Variants in XPO1 observed in about 807,000 individuals in gnomAD.
XPO1 encodes exportin-1.
XPO1 carries 5 observed loss-of-function variants against 133.3 expected under a neutral mutation model. The ratio of observed to expected loss-of-function variants is 0.04; its 90% CI spans 0.02 to 0.08. The LOEUF is 0.08. Among genes scored for constraint, XPO1 ranks in the 10% least tolerant of loss-of-function variants. The pLI, the probability that XPO1 is intolerant of heterozygous loss-of-function variation, is 1.00. For missense variants in XPO1, 506 were observed against 1,267.5 expected (o/e 0.40, Z 9.12); for synonymous variants, 419 against 408.2 (o/e 1.03, Z -0.32).
Position 61,489,940 on chromosome 2 carries a change from G to C in XPO1, c.2022+702C>G, listed in dbSNP as rs187185801. On this transcript the variant is annotated intron_variant, in intron 17 of 24. Transcript: ENST00000401558. ...AGAGTCTTCCTCTGTCACCAGGCTG[G>C]AGTGCAGTGGCATGCTCTTGACTCA... 5.7e-3 allele frequency among the ~76,000 whole-genome samples: 865 copies of C among 150,618 alleles called. 5 individuals carry two copies. Among genetic ancestry groups the C allele is most frequent in the Non-Finnish European group, 9.4e-3 (640 of 67,734 alleles).
chr2:61,511,856 C>G (rs1017589379), intron 4 of XPO1, among the ~76,000 whole-genome samples: 1 of 152,086 alleles, frequency 6.6e-6, no homozygotes, highest in African/African-American at 2.4e-5. Flanking sequence ...CCTCCCTGGT[C>G]CAAGCAACTC....
At chr2:61,507,807 G>A (rs1244227467) in intron 4 of XPO1, among the ~76,000 whole-genome samples, 1 of 152,106 alleles carries the variant, frequency 6.6e-6, no homozygotes, top group Non-Finnish European at 1.5e-5. Context: ...AAACCTGGGA[G>A]GTGGAGAAAG....
At chr2:61,494,147 T>G (rs1187667019) in intron 11 of XPO1, 56 bp from the exon 12 acceptor site, 1 of 1,504,536 alleles carries the variant, frequency 6.6e-7, no homozygotes, top group African/African-American at 1.4e-5. Context: ...AACTTCAAAT[T>G]GCTTTTCACT....
chr2:61,482,770 ATTT>A (rs1377235228), intron 22 of XPO1, 184 bp downstream of exon 22: 1 of 785,466 alleles, frequency 1.3e-6, no homozygotes, highest in Non-Finnish European at 1.9e-6. Context: ...CATGCCCAGT[ATTT>A]TTATTGTATC....
At position 61,516,859 on chromosome 2, in the gene XPO1, C is replaced by CTTTT. The variant is rs1491353367; in HGVS notation, c.301+5751_301+5752insAAAA. Among the ~76,000 whole-genome samples, 10 of 152,030 alleles carry CTTTT rather than the reference C, an allele frequency of 6.6e-5. 1 individual carries two copies. In the South Asian group the frequency reaches 2.1e-3, roughly 32 times the overall value. On this transcript the variant is annotated intron_variant, in intron 4 of 24. Transcript: ENST00000401558. ...CCCCAACAGGAACAAAGGAGGCTTC[C>CTTTT]TCTTTTTTTTTATTTGAATTATCTA...
rs1245254210 is a variant in XPO1, at chr2:61,486,029, G to A, written c.2314-67C>T. 2.2e-6 allele frequency: 3 copies of A among 1,385,308 alleles called. No homozygotes were observed. In the African/African-American group the frequency reaches 4.4e-5, roughly 20 times the overall value. 85.8% of individuals were successfully genotyped at this position (1,385,308 alleles called of 1,614,324 possible). A position where few individuals can be genotyped will look rare whatever the true frequency, so the allele number is the denominator to read the frequency against. On this transcript the variant is annotated intron_variant, in intron 19 of 24. Transcript: ENST00000401558. ...CATGGTGACTATTTTAAACAACAAG[G>A]TTATTCCTGTCTATGAGATGTAGCA...
intron 1 of XPO1, among the ~76,000 whole-genome samples, chr2:61,534,911 T>C (rs1188369314): frequency 1.3e-5 from 2 of 152,112 alleles, no homozygotes; most frequent in Non-Finnish European, 2.9e-5. Flanking sequence ...ATTTACTGAA[T>C]ATATGATCTA....
In XPO1 at chr2:61,485,898, G is replaced by T; in HGVS notation, c.2378C>A (p.Pro793Gln). 6.2e-7 allele frequency: 1 copy of T among 1,614,070 alleles called. No homozygotes were observed. Among genetic ancestry groups the T allele is most frequent in the Non-Finnish European group, 8.5e-7 (1 of 1,179,984 alleles). Residue 793 changes from proline (P) to glutamine (Q), a missense_variant, in exon 20 of 25, where the codon CCA (proline) becomes CAA (glutamine). Physicochemically the swap from Pro to Gln is moderately conservative, Grantham distance 76. Coordinates refer to ENST00000401558, the MANE Select transcript of XPO1 (RefSeq NM_003400.4). ...AAGCACTTCTGGTTCTCTAGCAGCT[G>T]GGACATTTCTCTGATAATCAATGAG... ...AVLIDYQRNVPAAREPEVLST... is the reference protein window; with the variant it reads ...AVLIDYQRNVQAAREPEVLST...
At chr2:61,521,057 A>T (rs1271016364) in intron 4 of XPO1, among the ~76,000 whole-genome samples, 1 of 152,228 alleles carries the variant, frequency 6.6e-6, no homozygotes, top group African/African-American at 2.4e-5. Context: ...GATCTAAAAT[A>T]GTTTCAAACC....
At chr2:61,480,716 C>G (rs1050991833) in intron 24 of XPO1, 3 of 151,820 alleles carry the variant, frequency 2.0e-5, no homozygotes, top group African/African-American at 7.3e-5. Context: ...AACTATTCAT[C>G]AACTACTTAG....
rs748475904 is a variant in XPO1, at chr2:61,495,409, A to T, written c.1047+46T>A. 17 of 1,460,162 alleles carry T rather than the reference A, an allele frequency of 1.2e-5. No individual in the cohort carries two copies. The South Asian group carries it at 1.4e-4, about 12-fold the overall frequency. The allele number at this position is 1,460,162 out of a possible 1,614,324, so 90.5% of individuals were successfully genotyped here. A position where few individuals can be genotyped will look rare whatever the true frequency, so the allele number is the denominator to read the frequency against. ...GAAAAAGGCACTTTTAAGAGTTATTAGTAGGCAGAGCAGAATTTTAGGAGC... is the reference window on the plus strand; with the variant it reads ...GAAAAAGGCACTTTTAAGAGTTATTTGTAGGCAGAGCAGAATTTTAGGAGC... On this transcript the variant is annotated intron_variant, in intron 11 of 24. Transcript: ENST00000401558.
chr2:61,509,188 A>G (rs1697968907), intron 4 of XPO1, among the ~76,000 whole-genome samples: 1 of 150,830 alleles, frequency 6.6e-6, no homozygotes, highest in South Asian at 2.1e-4. Context: ...TTTTTTAGGT[A>G]AAGACAAGGT....
intron 3 of XPO1, chr2:61,525,459 T>G: frequency 9.9e-7 from 1 of 1,005,766 alleles, no homozygotes; most frequent in African/African-American, 1.7e-5. Context: ...CACCAAATCA[T>G]TTGTAATTTA....
At chr2:61,536,894 G>A (rs1414074907) in intron 1 of XPO1, 1 of 152,648 alleles carries the variant, frequency 6.6e-6, no homozygotes, top group African/African-American at 2.4e-5. Context: ...AGGAGAATCA[G>A]GGCATCCTCC....
chr2:61,490,388 G>A (rs1048189958), intron 17 of XPO1, among the ~76,000 whole-genome samples: 3 of 151,754 alleles, frequency 2.0e-5, no homozygotes, highest in Admixed American at 6.6e-5. Flanking sequence ...TAGTAGAGAC[G>A]GGGTTTTGCC....
intron 1 of XPO1, among the ~76,000 whole-genome samples, chr2:61,535,182 T>C (rs993564684): frequency 6.6e-6 from 1 of 152,242 alleles, no homozygotes; most frequent in Admixed American, 6.5e-5. Context: ...ATATCTTTCC[T>C]CTGCTTTTCT....
chr2:61,516,323 C>CAAAAAAA (rs113228751), intron 4 of XPO1, among the ~76,000 whole-genome samples: 5 of 141,604 alleles, frequency 3.5e-5, no homozygotes, highest in Non-Finnish European at 7.8e-5. Context: ...CCAAACCAAA[C>CAAAAAAA]AAAAAAAAAA....
intron 4 of XPO1, among the ~76,000 whole-genome samples, chr2:61,513,724 G>C (rs998789153): frequency 6.6e-6 from 1 of 152,056 alleles, no homozygotes; most frequent in Non-Finnish European, 1.5e-5. Flanking sequence ...AATCAACACT[G>C]ATTTTAATCA....
chr2:61,502,965 C>CTT (rs201077547), intron 4 of XPO1, among the ~76,000 whole-genome samples: 24 of 138,304 alleles, frequency 1.7e-4, no homozygotes, highest in African/African-American at 4.9e-4. Context: ...TGTTTCTTTT[C>CTT]TTTTTTTTTT....
Sources: allele counts gnomAD v4.1 joint callset (sites outside exome capture counted in the v4.1 genomes callset), GRCh38; gene constraint gnomAD v4.1.1; transcripts MANE v1.5; gene names NCBI Gene and HGNC (gene_info 2026-07-23, HGNC 2026-07-21).